Variants in MBOAT2 observed in about 807,000 individuals in gnomAD.
MBOAT2 encodes the protein membrane bound glycerophospholipid O-acyltransferase 2, also known as membrane-bound glycerophospholipid O-acyltransferase 2.
In MBOAT2, 28 loss-of-function variants were observed where a neutral mutation model predicts 63.4. The ratio of observed to expected loss-of-function variants is 0.44; its 90% CI spans 0.33 to 0.61. MBOAT2 has a LOEUF of 0.61. MBOAT2 is among the 20% of genes least tolerant of loss of function. MBOAT2 has a pLI of 0.03. For synonymous variants in MBOAT2, 211 were observed against 215.6 expected (o/e 0.98, Z 0.19); for missense variants, 470 against 605.8 (o/e 0.78, Z 2.35).
intron 1 of MBOAT2, among the ~76,000 whole-genome samples, chr2:8,980,319 G>C (rs1671109920): frequency 6.6e-6 from 1 of 152,100 alleles, no homozygotes; most frequent in African/African-American, 2.4e-5. Flanking sequence ...GCGGATCTGA[G>C]GCAAGCAACT....
chr2:8,887,933 A>T, intron 5 of MBOAT2, 85 bp downstream of exon 5: 1 of 1,226,222 alleles, frequency 8.2e-7, no homozygotes, highest in Non-Finnish European at 1.2e-6. Context: ...TTACTCTAAT[A>T]GCAGAAAGTT....
intron 6 of MBOAT2, 27 bp from the exon 7 acceptor site, chr2:8,877,240 G>A (rs1282483073): frequency 5.6e-6 from 9 of 1,596,418 alleles, no homozygotes; most frequent in Admixed American, 1.7e-5. Context: ...TGCAACCAGT[G>A]AGATGCAGCA....
intron 3 of MBOAT2, among the ~76,000 whole-genome samples, chr2:8,933,698 A>C (rs557659324): frequency 6.6e-6 from 1 of 152,326 alleles, no homozygotes; most frequent in East Asian, 1.9e-4. Context: ...CTGACCTTTT[A>C]GACAGTCCTG....
intron 4 of MBOAT2, among the ~76,000 whole-genome samples, chr2:8,906,549 T>G (rs149678426): frequency 6.6e-6 from 1 of 152,316 alleles, no homozygotes; most frequent in East Asian, 1.9e-4. Context: ...TGAACTGTAA[T>G]GTGAATGAGA....
chr2:8,857,794 C>T lies in MBOAT2; in HGVS notation c.*885G>A, dbSNP rs1297041263. ...AAGTCATTCAACTTTTTTTTTAAGT[C>T]TCACATGACGGCGCAGAGCCCTGGC... On this transcript the variant is annotated 3_prime_UTR_variant, in exon 13 of 13. Coordinates refer to ENST00000305997, the MANE Select transcript of MBOAT2 (RefSeq NM_138799.4). The T allele has an allele frequency of 6.6e-6, 1 of 152,046 alleles. No individual in the cohort carries two copies. The highest frequency in any genetic ancestry group is 2.4e-5 in the African/African-American group (1 of 41,394). The allele number at this position is 152,046 out of a possible 1,614,324, so 9.4% of individuals were successfully genotyped here.
chr2:8,924,805 G>A (rs1448845216), intron 3 of MBOAT2, among the ~76,000 whole-genome samples: 1 of 150,662 alleles, frequency 6.6e-6, no homozygotes, highest in Non-Finnish European at 1.5e-5. Flanking sequence ...AAATTTCAAA[G>A]TTAGCTAAAA....
intron 9 of MBOAT2, among the ~76,000 whole-genome samples, chr2:8,865,331 T>C (rs1661794548): frequency 6.6e-6 from 1 of 152,216 alleles, no homozygotes; most frequent in Non-Finnish European, 1.5e-5. Flanking sequence ...CCTCCTACTT[T>C]ACAGAGATGA....
At chr2:8,919,443 AAT>A (rs957034107) in intron 3 of MBOAT2, among the ~76,000 whole-genome samples, 7 of 152,190 alleles carry the variant, frequency 4.6e-5, no homozygotes, top group African/African-American at 7.2e-5. Flanking sequence ...TATTATATAA[AAT>A]AGTTTTAATT....
intron 6 of MBOAT2, 57 bp downstream of exon 6, chr2:8,882,454 G>A (rs543431899): frequency 1.2e-5 from 18 of 1,548,164 alleles, no homozygotes; most frequent in Admixed American, 1.7e-5. Flanking sequence ...CAGAAGGAAC[G>A]TGGGTCCTAG....
intron 4 of MBOAT2, among the ~76,000 whole-genome samples, chr2:8,896,019 C>T (rs943990315): frequency 1.3e-5 from 2 of 151,910 alleles, no homozygotes; most frequent in Non-Finnish European, 2.9e-5. Flanking sequence ...GGGCGGATCA[C>T]GAGGTCAGAA....
chr2:8,943,091 T>A (rs757595583), intron 3 of MBOAT2, 96 bp downstream of exon 3: 36 of 657,978 alleles, frequency 5.5e-5, no homozygotes, highest in Non-Finnish European at 7.8e-5. Flanking sequence ...TTATCACAAT[T>A]CATAATTACT....
chr2:8,984,820 G>C (rs1309394353), intron 1 of MBOAT2, among the ~76,000 whole-genome samples: 1 of 152,032 alleles, frequency 6.6e-6, no homozygotes, highest in East Asian at 1.9e-4. Context: ...CTTTTAAATA[G>C]GGAGCCAAAT....
chr2:8,922,259 A>G (rs1666627097), intron 3 of MBOAT2, among the ~76,000 whole-genome samples: 1 of 152,114 alleles, frequency 6.6e-6, no homozygotes, highest in Non-Finnish European at 1.5e-5. Context: ...CCTATTTGTT[A>G]AATCATGATC....
intron 2 of MBOAT2, among the ~76,000 whole-genome samples, chr2:8,953,272 C>A (rs184707951): frequency 6.6e-6 from 1 of 152,324 alleles, no homozygotes; most frequent in Admixed American, 6.5e-5. Context: ...TTTAAGAATG[C>A]TGAAAATAGC....
intron 4 of MBOAT2, among the ~76,000 whole-genome samples, chr2:8,904,853 T>C (rs1299842171): frequency 6.6e-6 from 1 of 152,332 alleles, no homozygotes; most frequent in East Asian, 1.9e-4. Context: ...CTTGTATCTA[T>C]TTTCTGAGGC....
intron 1 of MBOAT2, among the ~76,000 whole-genome samples, chr2:8,997,866 T>C (rs1207515696): frequency 2.0e-5 from 3 of 152,192 alleles, no homozygotes; most frequent in Non-Finnish European, 4.4e-5. Flanking sequence ...TTCCTCTTAA[T>C]GAAGGACATG....
chr2:8,912,299 AAAAGAAAGAAAGAAAGAAAG>A lies in MBOAT2; in HGVS notation c.300-3603_300-3584del, dbSNP rs35633754. Among the ~76,000 whole-genome samples the A allele has an allele frequency of 6.4e-5, 3 of 46,844 alleles. No individual in the cohort carries two copies. In the East Asian group the frequency reaches 2.1e-3, roughly 33 times the overall value. 30.7% of individuals were successfully genotyped at this position (46,844 alleles called of 152,430 possible). ...ACAGAAAGACAGAAGGAAAAGAAAG[AAAAGAAAGAAAGAAAGAAAG>A]AAAGAAAGAAAGAAAGAAAGAAAGA... On this transcript the variant is annotated intron_variant, in intron 3 of 12. Coordinates refer to ENST00000305997, the MANE Select transcript of MBOAT2 (RefSeq NM_138799.4).
intron 1 of MBOAT2, among the ~76,000 whole-genome samples, chr2:8,990,489 A>AT (rs535553731): frequency 7.8e-4 from 118 of 152,210 alleles, no homozygotes; most frequent in African/African-American, 2.6e-3. Context: ...ATTTCTAAGA[A>AT]TTTTTTAATC....
chr2:8,897,229 CTT>C (rs397711918), intron 4 of MBOAT2, among the ~76,000 whole-genome samples: 3 of 151,806 alleles, frequency 2.0e-5, no homozygotes, highest in Admixed American at 1.3e-4. Flanking sequence ...CTGTCTCCTT[CTT>C]TGTCTCTCTT....
Sources: gnomAD v4.1 joint callset for allele counts (sites outside exome capture counted in the v4.1 genomes callset) on GRCh38, gnomAD v4.1.1 for gene constraint, MANE v1.5 for transcripts, NCBI Gene and HGNC (gene_info 2026-07-23, HGNC 2026-07-21) for gene names.